Variants in TSHZ2 observed in about 807,000 individuals in gnomAD.
TSHZ2 encodes the protein teashirt homolog 2.
A neutral mutation model predicts 74.4 loss-of-function variants in TSHZ2; 21 were observed. The ratio of observed to expected loss-of-function variants is 0.28; its 90% CI spans 0.20 to 0.41. The LOEUF (loss-of-function observed/expected upper bound fraction) is 0.41, where lower values mean the gene tolerates loss of function less well. TSHZ2 is among the 10% of genes least tolerant of loss of function. The pLI is 1.00. For synonymous variants in TSHZ2, 540 were observed against 515.3 expected (o/e 1.05, Z -0.65); for missense variants, 1,244 against 1,293.5 (o/e 0.96, Z 0.59).
At chr20:53,049,590 G>A (rs112690868) in intron 1 of TSHZ2, among the ~76,000 whole-genome samples, 25 of 152,136 alleles carry the variant, frequency 1.6e-4, no homozygotes, top group African/African-American at 5.3e-4. Context: ...TAAAGGAAGC[G>A]CTTGTGTCAT....
chr20:53,346,970 T>C (rs2145579323), intron 2 of TSHZ2, among the ~76,000 whole-genome samples: 1 of 152,308 alleles, frequency 6.6e-6, no homozygotes, highest in East Asian at 1.9e-4. Context: ...AGTGTCCCAG[T>C]TCTCACAGGA....
chr20:53,175,131 C>CTTTTTTTTTTTTTTTTTTTTT, intron 1 of TSHZ2, among the ~76,000 whole-genome samples: 1 of 63,644 alleles, frequency 1.6e-5, no homozygotes, highest in Non-Finnish European at 2.7e-5. Context: ...CTTCTTCTTT[C>CTTTTTTTTTTTTTTTTTTTTT]TTTTTTTTTT....
At chr20:53,122,431 A>G (rs192991612) in intron 1 of TSHZ2, among the ~76,000 whole-genome samples, 1 of 152,240 alleles carries the variant, frequency 6.6e-6, no homozygotes. Context: ...AAGATCTACA[A>G]ATAAGACCAC....
At chr20:53,032,102 T>G (rs987255840) in intron 1 of TSHZ2, among the ~76,000 whole-genome samples, 1 of 152,236 alleles carries the variant, frequency 6.6e-6, no homozygotes, top group Non-Finnish European at 1.5e-5. Context: ...TTTTTTCTGC[T>G]GCAATCTATT....
rs561432961 is a variant in TSHZ2 at position 53,098,635 on chromosome 20, AATT to A, written c.40+125306_40+125308del. On this transcript the variant is annotated intron_variant, in intron 1 of 2. Transcript: ENST00000371497. ...TATCACAAAAAAATGAACTGTCTCC[AATT>A]ATTTAACTTTCTCAAAAATTAGCTA... 5.3e-5 allele frequency among the ~76,000 whole-genome samples: 8 copies of A among 152,354 alleles called. No individual in the cohort carries two copies. The East Asian group carries it at 1.5e-3, about 29-fold the overall frequency.
chr20:53,320,167 C>T (rs1406961315), intron 2 of TSHZ2, among the ~76,000 whole-genome samples: 1 of 152,208 alleles, frequency 6.6e-6, no homozygotes, highest in African/African-American at 2.4e-5. Flanking sequence ...TACTGTGTGC[C>T]AGGCTTTGTC....
chr20:53,028,965 A>G (rs1027213161), intron 1 of TSHZ2, among the ~76,000 whole-genome samples: 1 of 152,166 alleles, frequency 6.6e-6, no homozygotes, highest in African/African-American at 2.4e-5. Flanking sequence ...GTGTTGCTAG[A>G]TCTCTCAATT....
chr20:53,308,860 G>A (rs1187264452), intron 2 of TSHZ2, among the ~76,000 whole-genome samples: 1 of 152,200 alleles, frequency 6.6e-6, no homozygotes, highest in Non-Finnish European at 1.5e-5. Context: ...AAATCAGCAC[G>A]GTGTTAAGCA....
rs776160152 is a variant in TSHZ2 at position 53,254,987 on chromosome 20, C to T, written c.1529C>T (p.Ser510Leu). The change falls in exon 2 of 3, where the codon TCA (serine) becomes TTA (leucine). Residue 510 changes from serine (S) to leucine (L), a missense_variant. Ser to Leu is a moderately radical substitution (Grantham distance 145, BLOSUM62 -2). Transcript: ENST00000371497. ...AGGGAGGAAGACTTGGAAGATGGCT[C>T]AAAGGGTGGAGGGGACATTTTGAAA... ...YLREEDLEDG[S>L]KGGGDILKSL... 4.2e-5 allele frequency: 68 copies of T among 1,614,080 alleles called. No individual in the cohort carries two copies. Among genetic ancestry groups the T allele is most frequent in the Non-Finnish European group, 5.7e-5 (67 of 1,180,042 alleles).
intron 2 of TSHZ2, chr20:53,397,518 A>C (rs1982494067): frequency 6.6e-6 from 1 of 152,214 alleles, no homozygotes; most frequent in Non-Finnish European, 1.5e-5. Context: ...ACACTTTTAC[A>C]CTGTTGGTGG....
chr20:53,107,588 C>T (rs116600557), intron 1 of TSHZ2, among the ~76,000 whole-genome samples: 18 of 152,314 alleles, frequency 1.2e-4, no homozygotes, highest in African/African-American at 4.1e-4. Context: ...GTAATAGCAT[C>T]TAGGACAAGG....
intron 1 of TSHZ2, among the ~76,000 whole-genome samples, chr20:52,978,123 C>A (rs1043921516): frequency 1.1e-4 from 17 of 152,140 alleles, no homozygotes; most frequent in Non-Finnish European, 2.2e-4. Flanking sequence ...CAGCTGATTT[C>A]TCATTCATTT....
chr20:53,356,013 G>A (rs1406534188), intron 2 of TSHZ2, among the ~76,000 whole-genome samples: 1 of 152,188 alleles, frequency 6.6e-6, no homozygotes, highest in Non-Finnish European at 1.5e-5. Context: ...AAAGTTTAGA[G>A]GTAGTGAGAA....
At chr20:53,258,311 C>T (rs1430016132) in intron 2 of TSHZ2, among the ~76,000 whole-genome samples, 5 of 151,968 alleles carry the variant, frequency 3.3e-5, no homozygotes, top group Admixed American at 2.0e-4. Flanking sequence ...TTATTTGCTG[C>T]ATAACATTTT....
chr20:53,494,947 G>A lies in TSHZ2; in HGVS notation c.*7812G>A, dbSNP rs1310333456. On this transcript the variant is annotated 3_prime_UTR_variant, in exon 3 of 3. Transcript: ENST00000371497. ...CAGGAAACCCAACTGCTGACATTGA[G>A]GACCTGGGTGTGTTCAATTATGATT... 2.0e-5 allele frequency: 3 copies of A among 152,120 alleles called. No homozygotes were observed. Among genetic ancestry groups the A allele is most frequent in the Admixed American group, 1.3e-4 (2 of 15,278 alleles). The allele number at this position is 152,120 out of a possible 1,614,324, so 9.4% of individuals were successfully genotyped here.
intron 1 of TSHZ2, among the ~76,000 whole-genome samples, chr20:53,029,603 G>A: frequency 6.6e-6 from 1 of 152,220 alleles, no homozygotes; most frequent in East Asian, 1.9e-4. Flanking sequence ...TTGAACCCTG[G>A]AGGTGGAGAT....
At chr20:53,027,058 T>C (rs1983472961) in intron 1 of TSHZ2, among the ~76,000 whole-genome samples, 1 of 152,062 alleles carries the variant, frequency 6.6e-6, no homozygotes, top group African/African-American at 2.4e-5. Flanking sequence ...CTCTAATGCA[T>C]TAAGTCAGTT....
intron 2 of TSHZ2, among the ~76,000 whole-genome samples, chr20:53,304,896 C>T (rs978150509): frequency 1.3e-5 from 2 of 151,160 alleles, no homozygotes; most frequent in East Asian, 3.9e-4. Flanking sequence ...TCCCAAAGTG[C>T]TGGGATTACA....
chr20:53,007,317 G>A (rs961868390), intron 1 of TSHZ2, among the ~76,000 whole-genome samples: 2 of 152,170 alleles, frequency 1.3e-5, no homozygotes, highest in Non-Finnish European at 1.5e-5. Flanking sequence ...GTGAGAAAGA[G>A]AAAGATGGTA....
Sources: allele counts gnomAD v4.1 joint callset (sites outside exome capture counted in the v4.1 genomes callset), GRCh38; gene constraint gnomAD v4.1.1; transcripts MANE v1.5; gene names NCBI Gene and HGNC (gene_info 2026-07-23, HGNC 2026-07-21).